CYRIB: variants seen among roughly 807,000 people sequenced by gnomAD.
CYRIB encodes the protein CYFIP related Rac1 interactor B.
Under a neutral mutation model 44.2 loss-of-function variants are expected in CYRIB, and 8 were observed. The observed-to-expected ratio is 0.18, with a 90% confidence interval of 0.11 to 0.33. CYRIB has a LOEUF of 0.33. CYRIB is among the 10% of genes least tolerant of loss of function. The pLI, the probability that CYRIB is intolerant of heterozygous loss-of-function variation, is 1.00. For missense variants in CYRIB, 185 were observed against 382.8 expected, an observed-to-expected ratio of 0.48 and a Z score of 4.31; for synonymous variants, 131 against 127.2, an observed-to-expected ratio of 1.03 and a Z score of -0.20.
rs527429123 is a variant in CYRIB, at chr8:129,953,852, A to G, written c.-243+17091T>C. ...CTAAATGATCAGGTCACTACTGTGT[A>G]ACCTAGTATTTGAAATACAGAGATT... On this transcript the variant is annotated intron_variant, in intron 2 of 14. Transcript: ENST00000401979. Among the ~76,000 whole-genome samples, 5 of 152,348 alleles carry G rather than the reference A, an allele frequency of 3.3e-5. No individual in the cohort carries two copies. In the South Asian group the frequency reaches 1.0e-3, roughly 32 times the overall value.
intron 1 of CYRIB, among the ~76,000 whole-genome samples, chr8:129,986,349 A>C (rs1420113042): frequency 6.6e-6 from 1 of 152,132 alleles, no homozygotes; most frequent in Non-Finnish European, 1.5e-5. Context: ...CACTCACTCT[A>C]TCCCAGTTCA....
chr8:129,988,081 C>T (rs933603271), intron 1 of CYRIB, among the ~76,000 whole-genome samples: 1 of 152,156 alleles, frequency 6.6e-6, no homozygotes, highest in Non-Finnish European at 1.5e-5. Flanking sequence ...CGCCTGGATG[C>T]AGGCGGGCTG....
intron 1 of CYRIB, among the ~76,000 whole-genome samples, chr8:129,989,332 C>T (rs562117345): frequency 6.6e-6 from 1 of 152,296 alleles, no homozygotes; most frequent in African/African-American, 2.4e-5. Context: ...ATGGCAGCTG[C>T]CCACTGAGCA....
At chr8:129,844,887 T>A (rs796821666) in intron 11 of CYRIB, among the ~76,000 whole-genome samples, 4 of 152,378 alleles carry the variant, frequency 2.6e-5, no homozygotes, top group African/African-American at 7.2e-5. Context: ...ATCAGCATTA[T>A]CTACATCAGC....
chr8:129,910,868 C>A (rs1433770576), intron 1 of CYRIB, among the ~76,000 whole-genome samples: 7 of 152,184 alleles, frequency 4.6e-5, no homozygotes, highest in Admixed American at 4.6e-4. Flanking sequence ...TCATAGCTCA[C>A]TGTAACCTTG....
At chr8:129,983,372 G>C (rs982648280) in intron 1 of CYRIB, among the ~76,000 whole-genome samples, 8 of 152,176 alleles carry the variant, frequency 5.3e-5, no homozygotes, top group African/African-American at 1.9e-4. Flanking sequence ...GAGAACCCAG[G>C]AGGCGGAGCT....
chr8:129,893,016 C>G (rs1588888783), intron 2 of CYRIB, among the ~76,000 whole-genome samples: 1 of 152,132 alleles, frequency 6.6e-6, no homozygotes, highest in African/African-American at 2.4e-5. Context: ...GAAGTATGCA[C>G]ACTCTTGTAT....
chr8:129,865,401 T>G (rs753151289), intron 4 of CYRIB, among the ~76,000 whole-genome samples: 1 of 152,340 alleles, frequency 6.6e-6, no homozygotes, highest in South Asian at 2.1e-4. Context: ...AAGTACAAAC[T>G]TTTTTAGTTT....
intron 1 of CYRIB, among the ~76,000 whole-genome samples, chr8:129,936,185 T>C (rs2092756630): frequency 6.6e-6 from 1 of 152,214 alleles, no homozygotes; most frequent in Non-Finnish European, 1.5e-5. Context: ...TAGGTTGAAA[T>C]AGAATTTAAG....
chr8:129,967,266 TG>T (rs1371304341), intron 2 of CYRIB, among the ~76,000 whole-genome samples: 1 of 152,248 alleles, frequency 6.6e-6, no homozygotes, highest in Non-Finnish European at 1.5e-5. Context: ...AAACTGGTCA[TG>T]GTGGAAGTAT....
intron 1 of CYRIB, among the ~76,000 whole-genome samples, chr8:129,938,817 T>C (rs940884416): frequency 6.6e-6 from 1 of 151,420 alleles, no homozygotes; most frequent in African/African-American, 2.4e-5. Flanking sequence ...ATGAAAAAAA[T>C]AAAAAAGGTA....
chr8:129,954,178 G>A (rs1456806287), intron 2 of CYRIB, among the ~76,000 whole-genome samples: 1 of 152,008 alleles, frequency 6.6e-6, no homozygotes, highest in Non-Finnish European at 1.5e-5. Flanking sequence ...CCACAGACTT[G>A]GAGAAAATGT....
At chr8:129,979,879 C>A (rs1436247673) in intron 1 of CYRIB, among the ~76,000 whole-genome samples, 1 of 152,162 alleles carries the variant, frequency 6.6e-6, no homozygotes, top group Non-Finnish European at 1.5e-5. Flanking sequence ...CGAGATCACG[C>A]CATTGCACTC....
intron 1 of CYRIB, among the ~76,000 whole-genome samples, chr8:130,000,378 C>T (rs2096882096): frequency 6.6e-6 from 1 of 152,126 alleles, no homozygotes; most frequent in Non-Finnish European, 1.5e-5. Context: ...AAATCCTGGG[C>T]ATGAAATGAA....
chr8:129,987,608 C>A (rs979907515), intron 1 of CYRIB, among the ~76,000 whole-genome samples: 1 of 146,422 alleles, frequency 6.8e-6, no homozygotes, highest in Non-Finnish European at 1.5e-5. Flanking sequence ...CTCGCTCCGT[C>A]GCCCAGGCTG....
intron 1 of CYRIB, among the ~76,000 whole-genome samples, chr8:129,994,171 GAC>G (rs146607115): frequency 1.3e-5 from 2 of 152,002 alleles, no homozygotes; most frequent in Non-Finnish European, 2.9e-5. Flanking sequence ...ACCACGTGAA[GAC>G]ACACACACAC....
chr8:129,847,692 G>A (rs2040902809), intron 10 of CYRIB, among the ~76,000 whole-genome samples: 1 of 152,184 alleles, frequency 6.6e-6, no homozygotes, highest in Non-Finnish European at 1.5e-5. Flanking sequence ...GTAACCACTT[G>A]ATGACGATGG....
At chr8:130,004,227 G>A (rs1223598529) in intron 1 of CYRIB, among the ~76,000 whole-genome samples, 1 of 152,166 alleles carries the variant, frequency 6.6e-6, no homozygotes, top group Non-Finnish European at 1.5e-5. Context: ...GATGCCCTCA[G>A]TGCATCAAAC....
At chr8:129,991,850 C>G (rs1377456209) in intron 1 of CYRIB, among the ~76,000 whole-genome samples, 2 of 140,608 alleles carry the variant, frequency 1.4e-5, no homozygotes, top group Non-Finnish European at 3.0e-5. Context: ...ATTTGGGAGG[C>G]TAAGGCAGGA....
Sources: allele counts gnomAD v4.1 joint callset (sites outside exome capture counted in the v4.1 genomes callset), GRCh38; gene constraint gnomAD v4.1.1; transcripts MANE v1.5; gene names NCBI Gene and HGNC (gene_info 2026-07-23, HGNC 2026-07-21).